Variants in RALYL observed in about 807,000 individuals in gnomAD.
RALYL encodes the protein RALY RNA binding protein like.
A neutral mutation model predicts 35.1 loss-of-function variants in RALYL; 29 were observed. The ratio of observed to expected loss-of-function variants is 0.83; its 90% CI spans 0.61 to 1.13. The LOEUF is 1.13. Among genes scored for constraint, RALYL ranks in the 50% most tolerant of loss-of-function variants. The pLI, the probability that RALYL is intolerant of heterozygous loss-of-function variation, is 0.00. For synonymous variants in RALYL, 120 were observed against 127.6 expected, an observed-to-expected ratio of 0.94 and a Z score of 0.40; for missense variants, 359 against 360.4, an observed-to-expected ratio of 1.00 and a Z score of 0.03.
intron 2 of RALYL, among the ~76,000 whole-genome samples, chr8:84,741,135 C>T (rs578146064): frequency 6.5e-4 from 99 of 152,102 alleles, no homozygotes; most frequent in Middle Eastern, 3.4e-3. Context: ...TTTGACTCCT[C>T]TCCTTTGTAT....
intron 1 of RALYL, among the ~76,000 whole-genome samples, chr8:84,225,564 C>T (rs1823669747): frequency 6.6e-6 from 1 of 152,140 alleles, no homozygotes; most frequent in African/African-American, 2.4e-5. Context: ...TTATTTGTGC[C>T]CAGAATATTG....
intron 1 of RALYL, among the ~76,000 whole-genome samples, chr8:84,219,097 A>G (rs1204710182): frequency 6.6e-6 from 1 of 152,030 alleles, no homozygotes; most frequent in East Asian, 1.9e-4. Flanking sequence ...TACGTACAAG[A>G]AAAGTTGTGA....
intron 1 of RALYL, among the ~76,000 whole-genome samples, chr8:84,278,062 G>A (rs890450841): frequency 6.6e-6 from 1 of 152,190 alleles, no homozygotes; most frequent in Non-Finnish European, 1.5e-5. Flanking sequence ...CCTTTCACAC[G>A]GCCCTAGCAG....
chr8:84,694,781 T>C (rs1482506739), intron 2 of RALYL, among the ~76,000 whole-genome samples: 1 of 151,850 alleles, frequency 6.6e-6, no homozygotes, highest in Non-Finnish European at 1.5e-5. Flanking sequence ...ATTATTGTCT[T>C]ATGATATGTT....
chr8:84,189,602 G>C (rs1200991094), intron 1 of RALYL, among the ~76,000 whole-genome samples: 1 of 151,244 alleles, frequency 6.6e-6, no homozygotes, highest in East Asian at 1.9e-4. Flanking sequence ...AGGAAACTGA[G>C]ACTTGGAGCT....
chr8:84,789,692 T>C (rs1180034647), intron 3 of RALYL, among the ~76,000 whole-genome samples: 5 of 152,024 alleles, frequency 3.3e-5, no homozygotes, highest in Admixed American at 6.6e-5. Context: ...ACCCCATCTT[T>C]ACAAAAAATA....
Position 84,505,518 on chromosome 8 carries a change from A to G in RALYL, c.-23-23781A>G, listed in dbSNP as rs184533332. 8.5e-5 allele frequency among the ~76,000 whole-genome samples: 13 copies of G among 152,254 alleles called. No individual in the cohort carries two copies. The East Asian group carries it at 1.5e-3, about 18-fold the overall frequency. On this transcript the variant is annotated intron_variant, in intron 1 of 8. Coordinates refer to ENST00000521268, the MANE Select transcript of RALYL (RefSeq NM_173848.7). ...GAGGAAAGGAAATAACTAAAATAAAAACACATACAGAATAATGTGAACATT... is the reference window on the plus strand; with the variant it reads ...GAGGAAAGGAAATAACTAAAATAAAGACACATACAGAATAATGTGAACATT...
intron 2 of RALYL, among the ~76,000 whole-genome samples, chr8:84,638,720 T>C (rs1341906336): frequency 6.6e-6 from 1 of 151,088 alleles, no homozygotes; most frequent in Non-Finnish European, 1.5e-5. Context: ...GGCAATAAAA[T>C]CCTTAGCAAC....
chr8:84,574,239 T>C (rs1037191587), intron 2 of RALYL, among the ~76,000 whole-genome samples: 1 of 152,076 alleles, frequency 6.6e-6, no homozygotes, highest in Non-Finnish European at 1.5e-5. Context: ...CCTTAATTCC[T>C]TGGTTGTTCA....
chr8:84,863,784 A>G (rs1838594998), intron 6 of RALYL, among the ~76,000 whole-genome samples: 1 of 152,212 alleles, frequency 6.6e-6, no homozygotes, highest in Admixed American at 6.5e-5. Flanking sequence ...CCTAACTAAG[A>G]TAACTTCAAT....
chr8:84,732,685 C>T (rs868489297), intron 2 of RALYL, among the ~76,000 whole-genome samples: 6,137 of 89,728 alleles, frequency 0.068, 524 homozygotes, highest in African/African-American at 0.27. Context: ...TATATATATA[C>T]ACACACACAC....
chr8:84,898,790 A>AC (rs1338313985), intron 8 of RALYL, among the ~76,000 whole-genome samples: 1 of 152,128 alleles, frequency 6.6e-6, no homozygotes, highest in East Asian at 1.9e-4. Flanking sequence ...CCTGGTGAAC[A>AC]CCCACTTTTA....
At chr8:84,730,776 A>G (rs1443580531) in intron 2 of RALYL, among the ~76,000 whole-genome samples, 2 of 152,178 alleles carry the variant, frequency 1.3e-5, no homozygotes, top group Non-Finnish European at 2.9e-5. Context: ...AGCATGTCAC[A>G]TGATTTGAAA....
At chr8:84,895,572 G>A (rs980542874) in intron 8 of RALYL, among the ~76,000 whole-genome samples, 1 of 152,234 alleles carries the variant, frequency 6.6e-6, no homozygotes, top group East Asian at 1.9e-4. Flanking sequence ...GAGTGCAGTG[G>A]CGTGATCTTG....
intron 1 of RALYL, among the ~76,000 whole-genome samples, chr8:84,379,032 C>G (rs1857444840): frequency 6.6e-6 from 1 of 151,936 alleles, no homozygotes; most frequent in Non-Finnish European, 1.5e-5. Context: ...CCACCTGTTT[C>G]TCAGATGCAG....
intron 1 of RALYL, among the ~76,000 whole-genome samples, chr8:84,390,929 A>G (rs1352624379): frequency 1.3e-5 from 2 of 151,972 alleles, no homozygotes; most frequent in East Asian, 1.9e-4. Flanking sequence ...AGTCATCTCA[A>G]TGTTCACACG....
At chr8:84,873,178 A>G (rs3780004) in intron 6 of RALYL, 106 bp from the exon 7 acceptor site, 217,935 of 562,864 alleles carry the variant, frequency 0.39, 49,589 homozygotes, top group African/African-American at 0.74. Context: ...GTCCTATGTG[A>G]TTTGACACAG....
At chr8:84,455,650 A>T (rs2050051637) in intron 1 of RALYL, among the ~76,000 whole-genome samples, 1 of 152,050 alleles carries the variant, frequency 6.6e-6, no homozygotes, top group Non-Finnish European at 1.5e-5. Flanking sequence ...ATCCATAATA[A>T]TCAAATGGGC....
At chr8:84,654,270 C>T (rs376819354) in intron 2 of RALYL, among the ~76,000 whole-genome samples, 7 of 44,528 alleles carry the variant, frequency 1.6e-4, no homozygotes, top group South Asian at 3.3e-3. Flanking sequence ...TCTCATGTTC[C>T]ATATATATAT....
Sources: gnomAD v4.1 joint callset for allele counts (sites outside exome capture counted in the v4.1 genomes callset) on GRCh38, gnomAD v4.1.1 for gene constraint, MANE v1.5 for transcripts, NCBI Gene and HGNC (gene_info 2026-07-23, HGNC 2026-07-21) for gene names.